Variants in DLG2 observed in about 807,000 individuals in gnomAD.
DLG2 encodes discs large MAGUK scaffold protein 2.
Under a neutral mutation model 132.5 loss-of-function variants are expected in DLG2, and 45 were observed. The ratio of observed to expected loss-of-function variants is 0.34; its 90% CI spans 0.27 to 0.44. The LOEUF is 0.44. Ranked by LOEUF, DLG2 falls within the 20% of genes least tolerant of loss-of-function variation. DLG2 has a pLI of 1.00. For synonymous variants in DLG2, 424 were observed against 419.6 expected (o/e 1.01, Z -0.13); for missense variants, 1,045 against 1,196.9 (o/e 0.87, Z 1.87).
chr11:83,555,517 A>T (rs908508436), intron 19 of DLG2, among the ~76,000 whole-genome samples: 1 of 152,204 alleles, frequency 6.6e-6, no homozygotes, highest in Non-Finnish European at 1.5e-5. Context: ...GAGGTCTCAG[A>T]TATTTACTTT....
At position 84,611,707 on chromosome 11, in the gene DLG2, A is replaced by G. The variant is rs1031666145; in HGVS notation, c.358-76976T>C. Among the ~76,000 whole-genome samples, 4 of 152,098 alleles carry G rather than the reference A, an allele frequency of 2.6e-5. No individual in the cohort carries two copies. In the South Asian group the frequency reaches 8.3e-4, roughly 32 times the overall value. ...ACTTAAATGAGGAGTGACTACAAAGATTTTTCTGTGCCATTCTTGCCCAAA... is the reference window on the plus strand; with the variant it reads ...ACTTAAATGAGGAGTGACTACAAAGGTTTTTCTGTGCCATTCTTGCCCAAA... On this transcript the variant is annotated intron_variant, in intron 6 of 27. Coordinates refer to ENST00000376104, the MANE Select transcript of DLG2 (RefSeq NM_001142699.3).
At chr11:84,636,449 T>C (rs766036829) in intron 6 of DLG2, among the ~76,000 whole-genome samples, 2 of 152,216 alleles carry the variant, frequency 1.3e-5, no homozygotes, top group Non-Finnish European at 2.9e-5. Flanking sequence ...GTGGTCTGGG[T>C]TTCCATTTCT....
intron 7 of DLG2, among the ~76,000 whole-genome samples, chr11:84,433,957 A>G (rs2154474369): frequency 6.6e-6 from 1 of 152,120 alleles, no homozygotes; most frequent in East Asian, 1.9e-4. Flanking sequence ...TCTCTACAAA[A>G]AAATACAAAA....
intron 6 of DLG2, among the ~76,000 whole-genome samples, chr11:84,541,560 T>C (rs2099370804): frequency 1.3e-5 from 2 of 152,178 alleles, no homozygotes; most frequent in Non-Finnish European, 2.9e-5. Flanking sequence ...AACTTTATAC[T>C]GTAATGACCT....
intron 6 of DLG2, among the ~76,000 whole-genome samples, chr11:84,966,526 A>G (rs949020983): frequency 1.3e-5 from 2 of 152,132 alleles, no homozygotes; most frequent in Non-Finnish European, 2.9e-5. Flanking sequence ...GGATTGGAAG[A>G]CGAATCTACT....
intron 15 of DLG2, among the ~76,000 whole-genome samples, chr11:83,921,366 T>C (rs929956601): frequency 6.6e-6 from 1 of 152,180 alleles, no homozygotes; most frequent in Non-Finnish European, 1.5e-5. Context: ...CTAAGTGTAA[T>C]TTCTGATGAC....
At chr11:84,299,698 C>T (rs925942782) in intron 7 of DLG2, among the ~76,000 whole-genome samples, 1 of 152,156 alleles carries the variant, frequency 6.6e-6, no homozygotes, top group Non-Finnish European at 1.5e-5. Context: ...ATTGGAAAAA[C>T]GAGTCCATAG....
intron 11 of DLG2, among the ~76,000 whole-genome samples, chr11:84,039,044 T>C (rs1336694180): frequency 1.3e-5 from 2 of 152,056 alleles, no homozygotes. Flanking sequence ...GTTTTATTTG[T>C]TTTTTAAGAC....
At chr11:84,803,925 T>C (rs376200198) in intron 6 of DLG2, among the ~76,000 whole-genome samples, 1 of 152,218 alleles carries the variant, frequency 6.6e-6, no homozygotes. Flanking sequence ...CAGAGCCTGA[T>C]AGATAACTAA....
At chr11:84,286,954 G>A (rs1005628072) in intron 7 of DLG2, among the ~76,000 whole-genome samples, 2 of 152,108 alleles carry the variant, frequency 1.3e-5, no homozygotes, top group East Asian at 1.9e-4. Flanking sequence ...TAACTTCAAC[G>A]CTTTTTAAAT....
chr11:83,574,830 A>G (rs641838), intron 19 of DLG2, among the ~76,000 whole-genome samples: 1 of 152,030 alleles, frequency 6.6e-6, no homozygotes, highest in Non-Finnish European at 1.5e-5. Flanking sequence ...CACAGCTAAA[A>G]AGAAGATGCC....
chr11:84,220,194 A>G (rs2096894056), intron 8 of DLG2, among the ~76,000 whole-genome samples: 2 of 152,220 alleles, frequency 1.3e-5, no homozygotes, highest in Middle Eastern at 3.4e-3. Context: ...CTGTACTGAG[A>G]CTCATCACTT....
At chr11:85,089,775 C>A (rs582399) in intron 6 of DLG2, among the ~76,000 whole-genome samples, 59,361 of 151,902 alleles carry the variant, frequency 0.39, 11,755 homozygotes, top group South Asian at 0.57. Flanking sequence ...ACATGAACAG[C>A]TGCTTCTCAA....
intron 7 of DLG2, among the ~76,000 whole-genome samples, chr11:84,342,076 T>C (rs2098517640): frequency 6.6e-6 from 1 of 152,170 alleles, no homozygotes; most frequent in Non-Finnish European, 1.5e-5. Flanking sequence ...TAATTTTATT[T>C]AGGGTACTTT....
chr11:85,417,479 G>C (rs409192), intron 3 of DLG2, among the ~76,000 whole-genome samples: 136,907 of 152,216 alleles, frequency 0.9, 61,840 homozygotes, highest in African/African-American at 0.95. Flanking sequence ...AGGGAGGAGT[G>C]TCTCTTTTTC....
chr11:85,096,958 G>A (rs897464071), intron 6 of DLG2, among the ~76,000 whole-genome samples: 6 of 152,024 alleles, frequency 3.9e-5, no homozygotes, highest in Admixed American at 2.0e-4. Context: ...GCCAAGGGTC[G>A]ACAAAGAAGA....
chr11:83,524,056 G>A (rs1483520882), intron 21 of DLG2, among the ~76,000 whole-genome samples: 1 of 152,160 alleles, frequency 6.6e-6, no homozygotes, highest in Non-Finnish European at 1.5e-5. Flanking sequence ...GCTCATTCTA[G>A]CCTTATAAGG....
chr11:84,006,637 G>A (rs778137515), intron 11 of DLG2, among the ~76,000 whole-genome samples: 8 of 151,176 alleles, frequency 5.3e-5, no homozygotes, highest in African/African-American at 1.5e-4. Flanking sequence ...AATATCACAC[G>A]TACCCCATAA....
intron 6 of DLG2, among the ~76,000 whole-genome samples, chr11:84,833,470 A>C (rs2153998054): frequency 6.6e-6 from 1 of 151,782 alleles, no homozygotes; most frequent in East Asian, 2.0e-4. Context: ...ACAATGCTCT[A>C]AGTATTTTAC....
Sources: allele counts gnomAD v4.1 joint callset (sites outside exome capture counted in the v4.1 genomes callset), GRCh38; gene constraint gnomAD v4.1.1; transcripts MANE v1.5; gene names NCBI Gene and HGNC (gene_info 2026-07-23, HGNC 2026-07-21).